The following HGH1 variants were observed in gnomAD, a reference collection of about 807,000 sequenced individuals.
The protein encoded by HGH1 is HGH1 cochaperone.
HGH1 carries 31 observed loss-of-function variants against 31.7 expected under a neutral mutation model. That is an observed-to-expected ratio of 0.98 (90% CI 0.73 to 1.32). The LOEUF is 1.32. Ranked by LOEUF, HGH1 falls within the 40% of genes most tolerant of loss-of-function variation. The probability of loss-of-function intolerance (pLI) is 0.00; values close to 1 mark genes in which losing one functional copy is unlikely to be tolerated. For synonymous variants in HGH1, 284 were observed against 293.6 expected (o/e 0.97, Z 0.34); for missense variants, 618 against 594.4 (o/e 1.04, Z -0.41).
chr8:144,139,774 T>G lies in HGH1; in HGVS notation c.*222T>G. On this transcript the variant is annotated 3_prime_UTR_variant, in exon 6 of 6. Coordinates refer to ENST00000347708, the MANE Select transcript of HGH1 (RefSeq NM_016458.4). The stretch of plus-strand genomic sequence containing the variant: ...ATGAAGGTTGTGCAGAGCAGTACTG[T>G]GAGGTAGGCACCGTGACTCGGCTGC... 1 of 685,454 alleles carries G rather than the reference T, an allele frequency of 1.5e-6. No homozygotes were observed. Among genetic ancestry groups the G allele is most frequent in the South Asian group, 1.9e-5 (1 of 51,326 alleles). The allele number at this position is 685,454 out of a possible 1,614,324, so 42.5% of individuals were successfully genotyped here. A position where few individuals can be genotyped will look rare whatever the true frequency, so the allele number is the denominator to read the frequency against.
chr8:144,139,113 C>T lies in HGH1; in HGVS notation c.885+13C>T, dbSNP rs1257878548. 2 of 1,613,864 alleles carry T rather than the reference C, an allele frequency of 1.2e-6. No individual in the cohort carries two copies. Among genetic ancestry groups the T allele is most frequent in the African/African-American group, 2.7e-5 (2 of 74,922 alleles). On this transcript the variant is annotated intron_variant, in intron 4 of 5. Transcript: ENST00000347708. ...AGCCATCATGCTGGTGAGCAGGAGCCCTGCTGCAATAAGCACCACCCCAAC... is the reference window on the plus strand; with the variant it reads ...AGCCATCATGCTGGTGAGCAGGAGCTCTGCTGCAATAAGCACCACCCCAAC...
In HGH1 at chr8:144,139,612, C is replaced by G. The variant is rs1229434415; in HGVS notation, c.*60C>G. ...CTTTGCCAGGCTTTCTCAGACCAGGCCTTCCTGCAGCTGTCTGCAGGCCCC... is the reference window on the plus strand; with the variant it reads ...CTTTGCCAGGCTTTCTCAGACCAGGGCTTCCTGCAGCTGTCTGCAGGCCCC... On this transcript the variant is annotated 3_prime_UTR_variant, in exon 6 of 6. Coordinates refer to ENST00000347708, the MANE Select transcript of HGH1 (RefSeq NM_016458.4). 7.1e-6 allele frequency: 11 copies of G among 1,545,794 alleles called. No homozygotes were observed. Among genetic ancestry groups the G allele is most frequent in the African/African-American group, 4.1e-5 (3 of 73,000 alleles).
At position 144,139,825 on chromosome 8, in the gene HGH1, C is replaced by T. The variant is rs912191498; in HGVS notation, c.*273C>T. On this transcript the variant is annotated 3_prime_UTR_variant, in exon 6 of 6. Transcript: ENST00000347708. ...CTGTGCAGAAGGTGGAGGTGGCAGG[C>T]GGATGGCCAGGGAGCCATGAGAAGA... is the stretch of plus-strand genomic sequence containing the variant. The T allele has an allele frequency of 2.3e-5, 13 of 572,754 alleles. No homozygotes were observed. Among genetic ancestry groups the T allele is most frequent in the Non-Finnish European group, 3.7e-5 (12 of 325,204 alleles). The allele number at this position is 572,754 out of a possible 1,614,324, so 35.5% of individuals were successfully genotyped here. A position where few individuals can be genotyped will look rare whatever the true frequency, so the allele number is the denominator to read the frequency against.
rs1282130274 is a variant in HGH1 at position 144,138,167 on chromosome 8, G to A, written c.332G>A (p.Gly111Asp). The change falls in exon 1 of 6, where the codon GGC (glycine) becomes GAC (aspartate). Residue 111 changes from glycine (G) to aspartate (D), a missense_variant. Gly to Asp is a moderately conservative substitution (Grantham distance 94, BLOSUM62 -1). Coordinates refer to ENST00000347708, the MANE Select transcript of HGH1 (RefSeq NM_016458.4). ...ADPGLPARLM[G>D]RALDPQWPWA... is the part of the protein sequence containing the mutation. ...CCCGGGCTGCCAGCGCGCCTGATGG[G>A]CCGCGCGTTGGACCCGCAGTGGCCC... 4.6e-6 allele frequency: 6 copies of A among 1,313,602 alleles called. No individual in the cohort carries two copies. Among genetic ancestry groups the A allele is most frequent in the Non-Finnish European group, 5.8e-6 (6 of 1,035,926 alleles). The allele number at this position is 1,313,602 out of a possible 1,614,324, so 81.4% of individuals were successfully genotyped here. A position where few individuals can be genotyped will look rare whatever the true frequency, so the allele number is the denominator to read the frequency against.
At position 144,139,826 on chromosome 8, in the gene HGH1, G is replaced by A. The variant is rs942379924; in HGVS notation, c.*274G>A. On this transcript the variant is annotated 3_prime_UTR_variant, in exon 6 of 6. Coordinates refer to ENST00000347708, the MANE Select transcript of HGH1 (RefSeq NM_016458.4). The stretch of plus-strand genomic sequence containing the variant: ...TGTGCAGAAGGTGGAGGTGGCAGGC[G>A]GATGGCCAGGGAGCCATGAGAAGAC... 1.7e-5 allele frequency: 10 copies of A among 582,458 alleles called. No individual in the cohort carries two copies. Among genetic ancestry groups the A allele is most frequent in the East Asian group, 1.5e-4 (5 of 34,146 alleles). The allele number at this position is 582,458 out of a possible 1,614,324, so 36.1% of individuals were successfully genotyped here. A position where few individuals can be genotyped will look rare whatever the true frequency, so the allele number is the denominator to read the frequency against.
In HGH1 at chr8:144,137,806, CGGTCGGGT is replaced by C. The variant is rs1362994944; in HGVS notation, c.-27_-20del. 3.2e-6 allele frequency: 4 copies of C among 1,238,618 alleles called. No individual in the cohort carries two copies. The African/African-American group carries it at 6.2e-5, about 19-fold the overall frequency. 76.7% of individuals were successfully genotyped at this position (1,238,618 alleles called of 1,614,324 possible). A position where few individuals can be genotyped will look rare whatever the true frequency, so the allele number is the denominator to read the frequency against. On this transcript the variant is annotated 5_prime_UTR_variant, in exon 1 of 6. Transcript: ENST00000347708. ...GGACCCCTAAGCGGACCGCTGGCAC[CGGTCGGGT>C]GGCAGCAGAGTGTCGCTCGACATGG...
chr8:144,139,634 C>T lies in HGH1; in HGVS notation c.*82C>T, dbSNP rs1815159673. 4.0e-6 allele frequency: 6 copies of T among 1,515,278 alleles called. No homozygotes were observed. The highest frequency in any genetic ancestry group is 2.5e-5 in the East Asian group (1 of 40,744). 93.9% of individuals were successfully genotyped at this position (1,515,278 alleles called of 1,614,324 possible). A position where few individuals can be genotyped will look rare whatever the true frequency, so the allele number is the denominator to read the frequency against. ...AGGCCTTCCTGCAGCTGTCTGCAGG[C>T]CCCCTGGGTCCCCTTGTTCAGAGAC... On this transcript the variant is annotated 3_prime_UTR_variant, in exon 6 of 6. Coordinates refer to ENST00000347708, the MANE Select transcript of HGH1 (RefSeq NM_016458.4).
chr8:144,137,975 C>CG lies in HGH1; in HGVS notation c.141dup (p.Leu48AlafsTer194). ...GCGGCGGCGGTGCGGCACGTGCTGG[C>CG]GCTGACTGGCTGCGGACCCGGCCGC... On this transcript the variant is annotated frameshift_variant, in exon 1 of 6. Transcript: ENST00000347708. LOFTEE classifies it high-confidence loss of function. 1 of 1,340,382 alleles carries CG rather than the reference C, an allele frequency of 7.5e-7. No homozygotes were observed. 83.0% of individuals were successfully genotyped at this position (1,340,382 alleles called of 1,614,324 possible). A position where few individuals can be genotyped will look rare whatever the true frequency, so the allele number is the denominator to read the frequency against.
At chr8:144,138,485 C>T in intron 1 of HGH1, 22 bp from the exon 2 acceptor site, 1 of 1,603,066 alleles carries the variant, frequency 6.2e-7, no homozygotes, top group Non-Finnish European at 8.5e-7. Context: ...GGGGGACGGC[C>T]CTAAGTGACA....
chr8:144,139,096 T>C lies in HGH1; in HGVS notation c.881T>C (p.Met294Thr). ...CGCAAGATGCTTGTTGAAGCCATCA[T>C]GCTGGTGAGCAGGAGCCCTGCTGCA... Reference protein sequence around the residue: ...DIRKMLVEAIMLLTATAPGRQ... With the variant: ...DIRKMLVEAITLLTATAPGRQ... Residue 294 changes from methionine (M) to threonine (T), a missense_variant, in exon 4 of 6, where the codon ATG (methionine) becomes ACG (threonine). Met to Thr is a moderately conservative substitution (Grantham distance 81). Coordinates refer to ENST00000347708, the MANE Select transcript of HGH1 (RefSeq NM_016458.4). 1 of 1,613,998 alleles carries C rather than the reference T, an allele frequency of 6.2e-7. No individual in the cohort carries two copies. Among genetic ancestry groups the C allele is most frequent in the Non-Finnish European group, 8.5e-7 (1 of 1,179,858 alleles).
intron 3 of HGH1, 42 bp from the exon 4 acceptor site, chr8:144,138,967 C>T: frequency 6.2e-7 from 1 of 1,607,222 alleles, no homozygotes; most frequent in Non-Finnish European, 8.5e-7. Flanking sequence ...GGCTCAGCTG[C>T]CCAGCCCAGG....
rs1815165728 is a variant in HGH1, at chr8:144,139,988, CCTCA to C, written c.*440_*443del. 3.6e-6 allele frequency: 1 copy of C among 277,680 alleles called. No homozygotes were observed. The highest frequency in any genetic ancestry group is 6.9e-6 in the Non-Finnish European group (1 of 144,226). 17.2% of individuals were successfully genotyped at this position (277,680 alleles called of 1,614,324 possible). On this transcript the variant is annotated 3_prime_UTR_variant, in exon 6 of 6. Transcript: ENST00000347708. ...ATAGGTACAAGTGCTGCTTTGTCAGCCTCACTCCCTGCAGCTCTCAGCTCCCTGT... is the reference window on the plus strand; with the variant it reads ...ATAGGTACAAGTGCTGCTTTGTCAGCCTCCCTGCAGCTCTCAGCTCCCTGT...
chr8:144,139,312 G>A lies in HGH1; in HGVS notation c.1008+1G>A. 2 of 1,613,980 alleles carry A rather than the reference G, an allele frequency of 1.2e-6. No individual in the cohort carries two copies. The highest frequency in any genetic ancestry group is 1.7e-6 in the Non-Finnish European group (2 of 1,179,872). ...GACGGCTTGTGAGAAGCTCATCCAG[G>A]TTGGTGCAGGGTTGGAGAGGCTGGG... On this transcript the variant is annotated splice_donor_variant, in intron 5 of 5. Transcript: ENST00000347708. LOFTEE classifies it high-confidence loss of function.
Position 144,139,090 on chromosome 8 carries a change from C to G in HGH1, c.875C>G (p.Ala292Gly). ...DADIRKMLVE[A>G]IMLLTATAPG... ...GACATCCGCAAGATGCTTGTTGAAG[C>G]CATCATGCTGGTGAGCAGGAGCCCT... The change falls in exon 4 of 6, where the codon GCC becomes GGC. Residue 292 changes from alanine (A) to glycine (G), a missense_variant. Coordinates refer to ENST00000347708, the MANE Select transcript of HGH1 (RefSeq NM_016458.4). 6.2e-7 allele frequency: 1 copy of G among 1,614,012 alleles called. No individual in the cohort carries two copies.
In HGH1 at chr8:144,139,382, T is replaced by A; in HGVS notation, c.1009-6T>A. 6.2e-7 allele frequency: 1 copy of A among 1,613,770 alleles called. No individual in the cohort carries two copies. Among genetic ancestry groups the A allele is most frequent in the South Asian group, 1.1e-5 (1 of 91,044 alleles). ...GCCAGCTGCTCACCTGCTTCCCGTC[T>A]GGCAGGTGCTTATTGGGGACGAGCC... On this transcript the variant is annotated splice_region_variant and splice_polypyrimidine_tract_variant and intron_variant, in intron 5 of 5. Coordinates refer to ENST00000347708, the MANE Select transcript of HGH1 (RefSeq NM_016458.4).
In HGH1 at chr8:144,138,697, AC is replaced by A; in HGVS notation, c.695-15del. ...GACCAGTTTCCATTCCCGTCTCCCC[AC>A]CCTCACCATCCCTCAGGACATCACG... On this transcript the variant is annotated splice_polypyrimidine_tract_variant and intron_variant, in intron 2 of 5. Transcript: ENST00000347708. 6.2e-7 allele frequency: 1 copy of A among 1,613,088 alleles called. No individual in the cohort carries two copies. Among genetic ancestry groups the A allele is most frequent in the Non-Finnish European group, 8.5e-7 (1 of 1,179,662 alleles).
In HGH1 at chr8:144,138,995, ACACT is replaced by A; in HGVS notation, c.794-10_794-7del. ...AGCCCAGGGACACAGTGGCTCCCAC[ACACT>A]CACCCCTAGGGCTGCCTGTCGACTT... On this transcript the variant is annotated splice_polypyrimidine_tract_variant and intron_variant, in intron 3 of 5. Coordinates refer to ENST00000347708, the MANE Select transcript of HGH1 (RefSeq NM_016458.4). 1 of 1,612,678 alleles carries A rather than the reference ACACT, an allele frequency of 6.2e-7. No homozygotes were observed. The highest frequency in any genetic ancestry group is 2.2e-5 in the East Asian group (1 of 44,870).
At position 144,138,555 on chromosome 8, in the gene HGH1, T is replaced by C. The variant is rs1815131356; in HGVS notation, c.642T>C (p.Ser214=). 1 of 1,612,682 alleles carries C rather than the reference T, an allele frequency of 6.2e-7. No individual in the cohort carries two copies. The highest frequency in any genetic ancestry group is 1.3e-5 in the African/African-American group (1 of 75,006). Residue 214 remains serine (S), a synonymous_variant, in exon 2 of 6, where the codon TCT becomes TCC. Coordinates refer to ENST00000347708, the MANE Select transcript of HGH1 (RefSeq NM_016458.4). Reference sequence around the variant, plus strand: ...CCCTTACCCAGTACCCCGACTCCTCTGTACGCAGGGGCGGGGTGGTGGGGA... The same window carrying C: ...CCCTTACCCAGTACCCCGACTCCTCCGTACGCAGGGGCGGGGTGGTGGGGA... ...LLPLTQYPDS[S]VRRGGVVGTL... is the part of the protein sequence containing the mutation.
At chr8:144,139,133 C>G (rs2130180376) in intron 4 of HGH1, 33 bp downstream of exon 4, 1 of 1,614,004 alleles carries the variant, frequency 6.2e-7, no homozygotes, top group Admixed American at 1.7e-5. Context: ...TAAGCACCAC[C>G]CCAACACACA....
Sources: gnomAD v4.1 joint callset for allele counts on GRCh38, gnomAD v4.1.1 for gene constraint, MANE v1.5 for transcripts, NCBI Gene and HGNC (gene_info 2026-07-23, HGNC 2026-07-21) for gene names.